Variants in GMDS observed in about 807,000 individuals in gnomAD.
GMDS encodes GDP-mannose 4,6-dehydratase.
In GMDS, 20 loss-of-function variants were observed where a neutral mutation model predicts 49.9. The observed-to-expected ratio is 0.40, with a 90% CI of 0.28 to 0.58. GMDS has a LOEUF of 0.58. Ranked by LOEUF, GMDS falls within the 20% of genes least tolerant of loss-of-function variation. The pLI, the probability that GMDS is intolerant of heterozygous loss-of-function variation, is 0.42. For missense variants in GMDS, 362 were observed against 481.4 expected (o/e 0.75, Z 2.32); for synonymous variants, 177 against 178.6 (o/e 0.99, Z 0.07).
intron 9 of GMDS, among the ~76,000 whole-genome samples, chr6:1,651,615 C>A (rs747894561): frequency 1.4e-4 from 22 of 152,318 alleles, no homozygotes; most frequent in Non-Finnish European, 2.9e-4. Flanking sequence ...TGCCCTGGCC[C>A]TCATCTCTGT....
chr6:2,187,969 A>G (rs1778852827), intron 1 of GMDS, among the ~76,000 whole-genome samples: 1 of 152,256 alleles, frequency 6.6e-6, no homozygotes, highest in East Asian at 1.9e-4. Flanking sequence ...AAAGGAGAAC[A>G]GTCAAGCCTT....
chr6:1,822,850 A>G (rs1421052338), intron 7 of GMDS, among the ~76,000 whole-genome samples: 1 of 152,214 alleles, frequency 6.6e-6, no homozygotes, highest in East Asian at 1.9e-4. Context: ...CCTATAATGT[A>G]AAAAGTACTT....
intron 4 of GMDS, among the ~76,000 whole-genome samples, chr6:2,061,474 T>C (rs1161539112): frequency 1.3e-5 from 2 of 151,992 alleles, no homozygotes; most frequent in Admixed American, 6.5e-5. Flanking sequence ...CCCAACACTT[T>C]GGGAGGTTGA....
chr6:1,881,727 A>G (rs926267107), intron 7 of GMDS, among the ~76,000 whole-genome samples: 1 of 152,184 alleles, frequency 6.6e-6, no homozygotes, highest in Non-Finnish European at 1.5e-5. Flanking sequence ...CAGAAATCCA[A>G]CTGAGTTGAC....
At chr6:2,126,975 T>C (rs898420929) in intron 1 of GMDS, among the ~76,000 whole-genome samples, 1 of 152,218 alleles carries the variant, frequency 6.6e-6, no homozygotes, top group Non-Finnish European at 1.5e-5. Context: ...GAGGTAAATA[T>C]TCTAGTTTAT....
intron 7 of GMDS, among the ~76,000 whole-genome samples, chr6:1,889,937 A>G (rs767964963): frequency 6.6e-6 from 1 of 152,074 alleles, no homozygotes; most frequent in South Asian, 2.1e-4. Flanking sequence ...TGCAGTGTCC[A>G]TTAGTGCTTT....
intron 4 of GMDS, among the ~76,000 whole-genome samples, chr6:1,967,346 G>C (rs1193446819): frequency 1.3e-5 from 2 of 152,188 alleles, no homozygotes; most frequent in Non-Finnish European, 2.9e-5. Flanking sequence ...TATTTGCTGA[G>C]TGAATGAAGA....
chr6:1,982,033 G>A (rs1394769782), intron 4 of GMDS, among the ~76,000 whole-genome samples: 1 of 152,126 alleles, frequency 6.6e-6, no homozygotes, highest in Admixed American at 6.5e-5. Flanking sequence ...GGCCAGGTGC[G>A]GTGGCTCACA....
At chr6:2,151,200 A>G (rs1776826645) in intron 1 of GMDS, among the ~76,000 whole-genome samples, 1 of 152,118 alleles carries the variant, frequency 6.6e-6, no homozygotes, top group Non-Finnish European at 1.5e-5. Context: ...CACAAAGGAT[A>G]AATGTTTGAG....
intron 1 of GMDS, among the ~76,000 whole-genome samples, chr6:2,184,657 C>T (rs1778698536): frequency 6.6e-6 from 1 of 152,180 alleles, no homozygotes; most frequent in South Asian, 2.1e-4. Context: ...CATTGTTTTT[C>T]ATTGTCAATC....
intron 7 of GMDS, among the ~76,000 whole-genome samples, chr6:1,901,026 A>G (rs533732628): frequency 6.6e-6 from 1 of 152,332 alleles, no homozygotes; most frequent in African/African-American, 2.4e-5. Flanking sequence ...CAAGAAAGGC[A>G]TGTCTTCAGC....
intron 2 of GMDS, among the ~76,000 whole-genome samples, chr6:2,119,386 G>T (rs1775016799): frequency 6.6e-6 from 1 of 151,956 alleles, no homozygotes; most frequent in Non-Finnish European, 1.5e-5. Flanking sequence ...AGCACTGGTT[G>T]CTTTTTTTTT....
intron 4 of GMDS, among the ~76,000 whole-genome samples, chr6:2,104,413 T>C (rs1202705599): frequency 6.6e-6 from 1 of 152,250 alleles, no homozygotes; most frequent in Non-Finnish European, 1.5e-5. Context: ...GGAGTCAGTT[T>C]GTACTGTCAC....
intron 9 of GMDS, among the ~76,000 whole-genome samples, chr6:1,663,337 A>AACT (rs1323992141): frequency 6.6e-6 from 1 of 152,148 alleles, no homozygotes; most frequent in Admixed American, 6.5e-5. Flanking sequence ...GCTCAGTCTG[A>AACT]ACTGTGGGAC....
intron 7 of GMDS, among the ~76,000 whole-genome samples, chr6:1,786,905 G>A (rs1444882988): frequency 6.6e-6 from 1 of 152,026 alleles, no homozygotes; most frequent in Non-Finnish European, 1.5e-5. Context: ...GGAAGTGAGT[G>A]AGCTGACTGC....
chr6:1,691,059 C>G (rs1026719227), intron 9 of GMDS, among the ~76,000 whole-genome samples: 19 of 152,216 alleles, frequency 1.2e-4, no homozygotes, highest in African/African-American at 4.3e-4. Flanking sequence ...TATATGCACA[C>G]ATATGTTCAT....
intron 1 of GMDS, among the ~76,000 whole-genome samples, chr6:2,192,482 G>T (rs1184923323): frequency 6.6e-6 from 1 of 152,216 alleles, no homozygotes; most frequent in Non-Finnish European, 1.5e-5. Context: ...CAAATTGCAG[G>T]TGAAGAGGGG....
At chr6:1,988,521 C>T (rs766311320) in intron 4 of GMDS, among the ~76,000 whole-genome samples, 3 of 152,102 alleles carry the variant, frequency 2.0e-5, no homozygotes, top group African/African-American at 4.8e-5. Flanking sequence ...CCAATTTGGG[C>T]TCCCTATCCA....
At chr6:1,865,233 A>G (rs918172505) in intron 7 of GMDS, among the ~76,000 whole-genome samples, 2 of 152,186 alleles carry the variant, frequency 1.3e-5, no homozygotes, top group Non-Finnish European at 2.9e-5. Flanking sequence ...TAATTATAGA[A>G]CCTTGTATTT....
Sources: gnomAD v4.1 joint callset for allele counts (sites outside exome capture counted in the v4.1 genomes callset) on GRCh38, gnomAD v4.1.1 for gene constraint, MANE v1.5 for transcripts, NCBI Gene and HGNC (gene_info 2026-07-23, HGNC 2026-07-21) for gene names.